GPR158: variants seen among roughly 807,000 people sequenced by gnomAD.
The protein encoded by GPR158 is metabotropic glycine receptor.
A neutral mutation model predicts 78.2 loss-of-function variants in GPR158; 30 were observed. The observed-to-expected ratio is 0.38, with a 90% CI of 0.29 to 0.52. GPR158 has a LOEUF of 0.52. Among genes scored for constraint, GPR158 ranks in the 20% least tolerant of loss-of-function variants. The probability of loss-of-function intolerance (pLI) is 0.83; values close to 1 mark genes in which losing one functional copy is unlikely to be tolerated. For synonymous variants in GPR158, 581 were observed against 591.1 expected (o/e 0.98, Z 0.25); for missense variants, 1,463 against 1,523.5 (o/e 0.96, Z 0.66).
chr10:25,465,485 C>T (rs912219000), intron 4 of GPR158, among the ~76,000 whole-genome samples: 2 of 152,134 alleles, frequency 1.3e-5, no homozygotes, highest in Admixed American at 6.5e-5. Context: ...TTAAGTCTAA[C>T]AAAATATCTT....
chr10:25,302,933 A>G (rs1432913163), intron 2 of GPR158, among the ~76,000 whole-genome samples: 2 of 152,206 alleles, frequency 1.3e-5, no homozygotes, highest in South Asian at 2.1e-4. Flanking sequence ...AGCAAATCAC[A>G]TGATTTACTG....
intron 7 of GPR158, among the ~76,000 whole-genome samples, chr10:25,578,163 C>T (rs1004597472): frequency 3.3e-5 from 5 of 152,140 alleles, no homozygotes; most frequent in South Asian, 2.1e-4. Context: ...TTTCTGAGTA[C>T]GTTTAAATAT....
intron 5 of GPR158, among the ~76,000 whole-genome samples, chr10:25,504,594 C>T (rs1412428163): frequency 6.6e-6 from 1 of 152,116 alleles, no homozygotes; most frequent in Non-Finnish European, 1.5e-5. Flanking sequence ...CCCGCTGGAG[C>T]CCTCCCACTG....
At chr10:25,378,481 G>A (rs538288620) in intron 2 of GPR158, among the ~76,000 whole-genome samples, 20 of 150,808 alleles carry the variant, frequency 1.3e-4, no homozygotes, top group South Asian at 4.2e-4. Context: ...TATTTTATTC[G>A]TATATACCAT....
intron 3 of GPR158, among the ~76,000 whole-genome samples, chr10:25,396,291 G>C (rs1834361783): frequency 6.6e-6 from 1 of 152,174 alleles, no homozygotes. Context: ...TGGGGATTTA[G>C]TTATTGAAAG....
chr10:25,491,210 T>G (rs1162716447), intron 5 of GPR158, among the ~76,000 whole-genome samples: 1 of 152,160 alleles, frequency 6.6e-6, no homozygotes, highest in Non-Finnish European at 1.5e-5. Context: ...GCTCACCCAG[T>G]ATTACTCTGT....
intron 4 of GPR158, among the ~76,000 whole-genome samples, chr10:25,423,075 GTA>G (rs1448475902): frequency 1.3e-5 from 2 of 150,468 alleles, no homozygotes; most frequent in Non-Finnish European, 3.0e-5. Flanking sequence ...ATGTCTGTGT[GTA>G]TATATATGTA....
intron 1 of GPR158, among the ~76,000 whole-genome samples, chr10:25,185,696 G>A (rs1306020868): frequency 6.6e-6 from 1 of 152,050 alleles, no homozygotes; most frequent in Non-Finnish European, 1.5e-5. Flanking sequence ...GGTGGCAGGC[G>A]CCTGTAGTCC....
chr10:25,287,726 G>T (rs1005763110), intron 2 of GPR158, among the ~76,000 whole-genome samples: 1 of 151,984 alleles, frequency 6.6e-6, no homozygotes, highest in Admixed American at 6.6e-5. Flanking sequence ...TTAGATTTGG[G>T]GTTAGAGGTT....
At chr10:25,270,435 A>G (rs1375472336) in intron 2 of GPR158, among the ~76,000 whole-genome samples, 1 of 152,166 alleles carries the variant, frequency 6.6e-6, no homozygotes, top group East Asian at 1.9e-4. Context: ...CCTGGAAGGC[A>G]TGCTTGAAGT....
chr10:25,317,284 G>A (rs1273073901), intron 2 of GPR158, among the ~76,000 whole-genome samples: 1 of 151,846 alleles, frequency 6.6e-6, no homozygotes, highest in Non-Finnish European at 1.5e-5. Context: ...CTGACCTCAG[G>A]TTATCCACCC....
At position 25,599,408 on chromosome 10, in the gene GPR158, A is replaced by G. The variant is rs1837462086; in HGVS notation, c.*134A>G. Reference sequence around the variant, plus strand: ...CAGATGGTGAGGTAAAGTCAAAGGCATGGGTAGAAGAGGACCAGGGGGGCA... The same window carrying G: ...CAGATGGTGAGGTAAAGTCAAAGGCGTGGGTAGAAGAGGACCAGGGGGGCA... On this transcript the variant is annotated 3_prime_UTR_variant, in exon 11 of 11. Coordinates refer to ENST00000376351, the MANE Select transcript of GPR158 (RefSeq NM_020752.3). 2 of 713,068 alleles carry G rather than the reference A, an allele frequency of 2.8e-6. No individual in the cohort carries two copies. Among genetic ancestry groups the G allele is most frequent in the East Asian group, 5.2e-5 (2 of 38,398 alleles). 44.2% of individuals were successfully genotyped at this position (713,068 alleles called of 1,614,324 possible). A position where few individuals can be genotyped will look rare whatever the true frequency, so the allele number is the denominator to read the frequency against.
chr10:25,247,750 A>G (rs1422945392), intron 2 of GPR158, among the ~76,000 whole-genome samples: 1 of 151,694 alleles, frequency 6.6e-6, no homozygotes, highest in East Asian at 1.9e-4. Flanking sequence ...AGTCTTTGCT[A>G]TTGTGAATAA....
intron 2 of GPR158, among the ~76,000 whole-genome samples, chr10:25,251,863 C>G (rs2130722611): frequency 6.6e-6 from 1 of 151,750 alleles, no homozygotes; most frequent in South Asian, 2.1e-4. Context: ...ATTGGCCTGC[C>G]TTGCTAGATT....
At position 25,197,265 on chromosome 10, in the gene GPR158, A is replaced by G. The variant is rs182327996; in HGVS notation, c.902+20943A>G. Among the ~76,000 whole-genome samples the G allele has an allele frequency of 5.5e-4, 83 of 152,138 alleles. 1 individual carries two copies. Among genetic ancestry groups the G allele is most frequent in the African/African-American group, 2.0e-3 (82 of 41,494 alleles). On this transcript the variant is annotated intron_variant, in intron 1 of 10. Coordinates refer to ENST00000376351, the MANE Select transcript of GPR158 (RefSeq NM_020752.3). ...TGTGTCTTTAGGTAGAAGCCATCTC[A>G]CCTCTTTGTGTCCCAAATTTCTTAC...
intron 2 of GPR158, among the ~76,000 whole-genome samples, chr10:25,301,700 GA>G (rs1470002666): frequency 2.0e-5 from 1 of 51,142 alleles, no homozygotes; most frequent in East Asian, 2.2e-4. Flanking sequence ...CTTTGACACA[GA>G]TTTTTTTTTG....
chr10:25,390,470 C>T lies in GPR158; in HGVS notation c.1009-5441C>T, dbSNP rs550545165. ...GGAACTGGAGCAAAGGTGATTCTTA[C>T]TATGTTTTAGCAAAGAGACTGGTGG... On this transcript the variant is annotated intron_variant, in intron 2 of 10. Coordinates refer to ENST00000376351, the MANE Select transcript of GPR158 (RefSeq NM_020752.3). Among the ~76,000 whole-genome samples, 10 of 152,206 alleles carry T rather than the reference C, an allele frequency of 6.6e-5. No individual in the cohort carries two copies. The East Asian group carries it at 1.7e-3, about 26-fold the overall frequency.
intron 5 of GPR158, 129 bp downstream of exon 5, chr10:25,466,848 C>T: frequency 2.1e-6 from 1 of 474,414 alleles, no homozygotes; most frequent in Non-Finnish European, 3.7e-6. Context: ...GAGGTTTTGG[C>T]TCTTGTCTTA....
At chr10:25,388,582 T>C (rs1198206658) in intron 2 of GPR158, among the ~76,000 whole-genome samples, 1 of 152,190 alleles carries the variant, frequency 6.6e-6, no homozygotes, top group East Asian at 1.9e-4. Context: ...CTGGGAGCTA[T>C]CGCAATGAGG....
Sources: gnomAD v4.1 joint callset for allele counts (sites outside exome capture counted in the v4.1 genomes callset) on GRCh38, gnomAD v4.1.1 for gene constraint, MANE v1.5 for transcripts, NCBI Gene and HGNC (gene_info 2026-07-23, HGNC 2026-07-21) for gene names.